GPR155: variants seen among roughly 807,000 people sequenced by gnomAD.
GPR155 encodes G protein-coupled receptor 155, also known as lysosomal cholesterol signaling protein.
GPR155 carries 65 observed loss-of-function variants against 93.1 expected under a neutral mutation model. That is an observed-to-expected ratio of 0.70 (90% CI 0.57 to 0.86). The LOEUF is 0.86. Ranked by LOEUF, GPR155 falls within the 40% of genes least tolerant of loss-of-function variation. The probability of loss-of-function intolerance (pLI) is 0.00; values close to 1 mark genes in which losing one functional copy is unlikely to be tolerated. For missense variants in GPR155, 838 were observed against 1,034.8 expected, an observed-to-expected ratio of 0.81 and a Z score of 2.61; for synonymous variants, 319 against 360.1, an observed-to-expected ratio of 0.89 and a Z score of 1.29.
At position 174,481,776 on chromosome 2, in the gene GPR155, T is replaced by G; in HGVS notation, c.181A>C (p.Arg61=). 6.2e-7 allele frequency: 1 copy of G among 1,614,240 alleles called. No individual in the cohort carries two copies. The highest frequency in any genetic ancestry group is 1.1e-5 in the South Asian group (1 of 91,090). The change falls in exon 2 of 16, where the codon AGG becomes CGG. Residue 61 remains arginine (R), a synonymous_variant. Coordinates refer to ENST00000392552, the MANE Select transcript of GPR155 (RefSeq NM_152529.7). ...TGGGTTGATGTTATGACATTGGCCC[T>G]TCCTGCTATGTAGCCACAAAGGACA... The part of the protein sequence containing the change: ...GIVLCGYIAG[R]ANVITSTQAK...
intron 10 of GPR155, among the ~76,000 whole-genome samples, chr2:174,455,450 G>A (rs1439965034): frequency 6.6e-6 from 1 of 152,236 alleles, no homozygotes; most frequent in Non-Finnish European, 1.5e-5. Flanking sequence ...GGCACTGCAA[G>A]GCCCTTGCAG....
chr2:174,461,557 G>T (rs748471908), intron 8 of GPR155, 31 bp downstream of exon 8: 3 of 1,557,142 alleles, frequency 1.9e-6, no homozygotes, highest in South Asian at 2.2e-5. Context: ...TATATGGAAA[G>T]GTGTAAGCAA....
At chr2:174,452,503 T>G (rs1223308338) in intron 11 of GPR155, among the ~76,000 whole-genome samples, 1 of 152,234 alleles carries the variant, frequency 6.6e-6, no homozygotes, top group African/African-American at 2.4e-5. Context: ...AGAGCATTTT[T>G]GGGGGTTTCC....
chr2:174,481,257 G>C (rs1214769342), intron 2 of GPR155, among the ~76,000 whole-genome samples: 1 of 151,898 alleles, frequency 6.6e-6, no homozygotes, highest in East Asian at 1.9e-4. Flanking sequence ...TTACCGGGAA[G>C]AAAAAAATAC....
chr2:174,468,844 T>C (rs1290827152), intron 5 of GPR155, 68 bp downstream of exon 5: 4 of 1,293,526 alleles, frequency 3.1e-6, no homozygotes, highest in Admixed American at 2.0e-5. Context: ...TTAAATCCCT[T>C]CTGTTAACAG....
chr2:174,454,773 A>AGGAAAGAAAG (rs1687450017), intron 10 of GPR155, among the ~76,000 whole-genome samples: 1 of 137,576 alleles, frequency 7.3e-6, no homozygotes, highest in Non-Finnish European at 1.6e-5. Flanking sequence ...AGGAAGGGAA[A>AGGAAAGAAAG]GGAAGGAAAG....
Position 174,461,489 on chromosome 2 carries a change from A to T in GPR155, c.1473T>A (p.Ile491=), listed in dbSNP as rs1240822972. Residue 491 remains isoleucine (I), a synonymous_variant, in exon 9 of 16, where the codon ATT becomes ATA. Transcript: ENST00000392552. ...VGIIIISGWG[I]PALLVGVLLI... ...AAAGAACACCAACAAGGAGAGCAGGAATTCTGTAATCACAAGTGATATTGG... is the reference window on the plus strand; with the variant it reads ...AAAGAACACCAACAAGGAGAGCAGGTATTCTGTAATCACAAGTGATATTGG... 21 of 1,609,572 alleles carry T rather than the reference A, an allele frequency of 1.3e-5. No homozygotes were observed. The highest frequency in any genetic ancestry group is 1.7e-5 in the Non-Finnish European group (20 of 1,175,992).
chr2:174,483,116 A>G (rs1021909450), intron 1 of GPR155: 2 of 152,194 alleles, frequency 1.3e-5, no homozygotes, highest in African/African-American at 4.8e-5. Flanking sequence ...GGGACTATGC[A>G]TGTTTTTGCT....
intron 15 of GPR155, among the ~76,000 whole-genome samples, chr2:174,438,798 C>A (rs571355662): frequency 1.3e-5 from 2 of 152,124 alleles, no homozygotes; most frequent in African/African-American, 4.8e-5. Context: ...TGAGCCAGCA[C>A]GCCCGGCCCT....
chr2:174,440,690 A>G (rs1311391615), intron 14 of GPR155, among the ~76,000 whole-genome samples: 1 of 152,220 alleles, frequency 6.6e-6, no homozygotes, highest in Non-Finnish European at 1.5e-5. Context: ...CTGGTGGGAT[A>G]CATTTCTTTA....
rs755155818 is a variant in GPR155 at position 174,445,194 on chromosome 2, A to G, written c.2014-18T>C. ...GAAAGATTCTGTAAAGAAAGGAGAA[A>G]AGAGTATTTTAAAATCAAGCAAGCT... is the stretch of plus-strand genomic sequence containing the variant. On this transcript the variant is annotated intron_variant, in intron 12 of 15. Transcript: ENST00000392552. The G allele has an allele frequency of 2.3e-6, 3 of 1,296,620 alleles. No homozygotes were observed. The highest frequency in any genetic ancestry group is 3.4e-6 in the Non-Finnish European group (3 of 892,296). 80.3% of individuals were successfully genotyped at this position (1,296,620 alleles called of 1,614,324 possible).
intron 7 of GPR155, 104 bp from the exon 8 acceptor site, chr2:174,461,776 AGT>A (rs1279128862): frequency 1.5e-6 from 1 of 678,126 alleles, no homozygotes; most frequent in Non-Finnish European, 2.6e-6. Context: ...ATTTCATAGT[AGT>A]GTGTGGTTTT....
At position 174,459,977 on chromosome 2, in the gene GPR155, G is replaced by A. The variant is rs1373233485; in HGVS notation, c.1672C>T (p.Gln558Ter). The change falls in exon 10 of 16, where the codon CAG (glutamine) becomes TAG (stop). Residue 558 changes from glutamine (Q) to a stop codon, truncating the protein, a stop_gained. Transcript: ENST00000392552. LOFTEE classifies it high-confidence loss of function. ...AGSYEGFDQS[Q>*]SHKVVEPGNT... is the part of the protein sequence containing the mutation. ...CCAGGCTCCACCACTTTGTGGCTCT[G>A]AGACTGATCGAAACCTTCATAGCTT... 6.2e-7 allele frequency: 1 copy of A among 1,614,046 alleles called. No homozygotes were observed. The highest frequency in any genetic ancestry group is 1.1e-5 in the South Asian group (1 of 91,080).
intron 10 of GPR155, 84 bp from the exon 11 acceptor site, chr2:174,453,925 C>G: frequency 4.5e-6 from 4 of 880,564 alleles, no homozygotes; most frequent in Non-Finnish European, 7.7e-6. Context: ...GAAAACAAAA[C>G]AAAATCCACT....
chr2:174,448,468 A>C (rs1687208230), intron 11 of GPR155, among the ~76,000 whole-genome samples: 1 of 151,732 alleles, frequency 6.6e-6, no homozygotes, highest in African/African-American at 2.4e-5. Context: ...TTTATGACTC[A>C]GTCCTCAAAA....
chr2:174,468,936 T>C lies in GPR155; in HGVS notation c.1158A>G (p.Ile386Met), dbSNP rs1261413683. 2 of 1,613,958 alleles carry C rather than the reference T, an allele frequency of 1.2e-6. No homozygotes were observed. The highest frequency in any genetic ancestry group is 1.7e-6 in the Non-Finnish European group (2 of 1,179,858). The change falls in exon 5 of 16, where the codon ATA (isoleucine) becomes ATG (methionine). Residue 386 changes from isoleucine (I) to methionine (M), a missense_variant. This residue lies in a region of GPR155 where 663 missense variants were observed against 790.1 expected (regional missense o/e 0.84). Coordinates refer to ENST00000392552, the MANE Select transcript of GPR155 (RefSeq NM_152529.7). ...AYAIQNVSFDISIVSLISLIW... is the reference protein window; with the variant it reads ...AYAIQNVSFDMSIVSLISLIW... Reference sequence around the variant, plus strand: ...CCAAGGAGATCAGGCTGACAATACTTATATCAAAACTAACATTCTGGATGG... The same window carrying C: ...CCAAGGAGATCAGGCTGACAATACTCATATCAAAACTAACATTCTGGATGG...
At position 174,461,512 on chromosome 2, in the gene GPR155, T is replaced by C. The variant is rs759446567; in HGVS notation, c.1470-20A>G. ...GGAATTCTGTAATCACAAGTGATAT[T>C]GGGAGAGAAAAAGAAAGGATGAATA... is the stretch of plus-strand genomic sequence containing the variant. On this transcript the variant is annotated intron_variant, in intron 8 of 15. Coordinates refer to ENST00000392552, the MANE Select transcript of GPR155 (RefSeq NM_152529.7). The C allele has an allele frequency of 1.5e-5, 24 of 1,595,760 alleles. No individual in the cohort carries two copies. In the South Asian group the frequency reaches 2.6e-4, roughly 18 times the overall value.
At chr2:174,438,697 G>C (rs1686865165) in intron 15 of GPR155, among the ~76,000 whole-genome samples, 1 of 152,084 alleles carries the variant, frequency 6.6e-6, no homozygotes. Context: ...AGTAGAGACA[G>C]GGTTTCACCA....
Position 174,461,458 on chromosome 2 carries a change from T to G in GPR155, c.1504A>C (p.Thr502Pro). ...ATGCTATCTCCATTGTGTTTTCCAG[T>G]TATCAAAAGAACACCAACAAGGAGA... ...PALLVGVLLI[T>P]GKHNGDSIDS... is the part of the protein sequence containing the mutation. Residue 502 changes from threonine (T) to proline (P), a missense_variant, in exon 9 of 16, where the codon ACT becomes CCT. Coordinates refer to ENST00000392552, the MANE Select transcript of GPR155 (RefSeq NM_152529.7). 1.2e-5 allele frequency: 19 copies of G among 1,613,576 alleles called. No individual in the cohort carries two copies. Among genetic ancestry groups the G allele is most frequent in the Non-Finnish European group, 1.4e-5 (17 of 1,179,598 alleles).
Sources: gnomAD v4.1 joint callset for allele counts (sites outside exome capture counted in the v4.1 genomes callset) on GRCh38, gnomAD v4.1.1 for gene constraint, gnomAD v4.1.1 regional missense constraint, MANE v1.5 for transcripts, NCBI Gene and HGNC (gene_info 2026-07-23, HGNC 2026-07-21) for gene names.